CCDC178: variants seen among roughly 807,000 people sequenced by gnomAD.
The protein encoded by CCDC178 is coiled-coil domain containing 178.
CCDC178 carries 126 observed loss-of-function variants against 117.4 expected under a neutral mutation model. That is an observed-to-expected ratio of 1.07 (90% confidence interval 0.93 to 1.24). CCDC178 has a LOEUF of 1.24. Among genes scored for constraint, CCDC178 ranks in the 50% most tolerant of loss-of-function variants. CCDC178 has a pLI of 0.00. For synonymous variants in CCDC178, 283 were observed against 313.4 expected, an observed-to-expected ratio of 0.90 and a Z score of 1.02; for missense variants, 1,030 against 986.9, an observed-to-expected ratio of 1.04 and a Z score of -0.59.
intron 15 of CCDC178, among the ~76,000 whole-genome samples, chr18:33,238,603 A>G (rs2059452449): frequency 6.6e-6 from 1 of 152,164 alleles, no homozygotes; most frequent in Non-Finnish European, 1.5e-5. Context: ...AACAAGGCAG[A>G]GGAAAACAAT....
chr18:33,040,418 C>G (rs920873288), intron 21 of CCDC178, among the ~76,000 whole-genome samples: 1 of 151,484 alleles, frequency 6.6e-6, no homozygotes, highest in Non-Finnish European at 1.5e-5. Context: ...TATTAAAAAC[C>G]AAATCAATGG....
At chr18:33,220,388 A>G (rs535509542) in intron 18 of CCDC178, among the ~76,000 whole-genome samples, 53 of 152,186 alleles carry the variant, frequency 3.5e-4, no homozygotes, top group African/African-American at 1.2e-3. Flanking sequence ...TTAAGTGGTG[A>G]TGACTGGTTA....
At chr18:33,329,582 G>A (rs1401954728) in intron 10 of CCDC178, among the ~76,000 whole-genome samples, 2 of 151,880 alleles carry the variant, frequency 1.3e-5, no homozygotes, top group East Asian at 3.9e-4. Context: ...TTATTCATGT[G>A]GTACATTAAA....
chr18:32,983,641 T>C (rs1392663388), intron 21 of CCDC178, among the ~76,000 whole-genome samples: 1 of 152,104 alleles, frequency 6.6e-6, no homozygotes, highest in African/African-American at 2.4e-5. Flanking sequence ...AGAAGGTAGA[T>C]AGATAATAGC....
chr18:33,044,767 C>T (rs931401387), intron 21 of CCDC178, among the ~76,000 whole-genome samples: 4 of 152,120 alleles, frequency 2.6e-5, no homozygotes, highest in African/African-American at 9.7e-5. Context: ...ATTGAAGTCT[C>T]CATCATCAGA....
At chr18:33,260,385 C>T (rs2059729300) in intron 14 of CCDC178, among the ~76,000 whole-genome samples, 1 of 151,638 alleles carries the variant, frequency 6.6e-6, no homozygotes, top group South Asian at 2.1e-4. Flanking sequence ...CTGTTCAGTT[C>T]TGCAGATTTC....
At chr18:33,220,008 C>G (rs1839249996) in intron 18 of CCDC178, among the ~76,000 whole-genome samples, 1 of 151,994 alleles carries the variant, frequency 6.6e-6, no homozygotes, top group South Asian at 2.1e-4. Context: ...GCAATAAGAA[C>G]TTTCATGGGG....
chr18:33,350,420 C>A (rs1173117161), intron 7 of CCDC178, among the ~76,000 whole-genome samples: 1 of 152,100 alleles, frequency 6.6e-6, no homozygotes, highest in African/African-American at 2.4e-5. Flanking sequence ...ACATATGCTA[C>A]TTATTAAGCA....
chr18:33,254,251 A>G (rs2059651608), intron 14 of CCDC178, among the ~76,000 whole-genome samples: 1 of 135,384 alleles, frequency 7.4e-6, no homozygotes, highest in Non-Finnish European at 1.6e-5. Context: ...TCTATTGAGA[A>G]ACACACACAC....
chr18:33,367,298 T>C (rs2063222799), intron 6 of CCDC178, among the ~76,000 whole-genome samples: 1 of 152,056 alleles, frequency 6.6e-6, no homozygotes, highest in African/African-American at 2.4e-5. Context: ...GATTGCCATT[T>C]TAAATATTTC....
intron 21 of CCDC178, among the ~76,000 whole-genome samples, chr18:32,990,037 T>C (rs1442584966): frequency 6.6e-6 from 1 of 152,258 alleles, no homozygotes; most frequent in East Asian, 1.9e-4. Flanking sequence ...AAGCATCAAA[T>C]TATAAGATAA....
At chr18:33,345,932 A>G (rs1265973678) in intron 9 of CCDC178, among the ~76,000 whole-genome samples, 2 of 152,058 alleles carry the variant, frequency 1.3e-5, no homozygotes, top group African/African-American at 2.4e-5. Flanking sequence ...GGCTCAATCA[A>G]TCCTCCCACC....
At chr18:33,270,380 A>G (rs146206172) in intron 12 of CCDC178, among the ~76,000 whole-genome samples, 117 of 151,626 alleles carry the variant, frequency 7.7e-4, no homozygotes, top group Middle Eastern at 3.4e-3. Flanking sequence ...ATTAATTTAC[A>G]CATTGAGGAA....
At chr18:32,979,946 C>T (rs1016445291) in intron 21 of CCDC178, among the ~76,000 whole-genome samples, 1 of 152,020 alleles carries the variant, frequency 6.6e-6, no homozygotes, top group African/African-American at 2.4e-5. Context: ...GATATCACTA[C>T]AAATCAGTGC....
At chr18:33,392,777 A>G (rs921493486) in intron 4 of CCDC178, among the ~76,000 whole-genome samples, 6 of 152,122 alleles carry the variant, frequency 3.9e-5, no homozygotes, top group African/African-American at 1.2e-4. Context: ...CAGAATGATC[A>G]CTTAAGCCCA....
chr18:33,370,203 A>G lies in CCDC178; in HGVS notation c.209-14T>C. ...CTTTATTCACCCCTAAAGAGAACAA[A>G]TAGAAGTTCATTACTCATTCTATAC... is the stretch of plus-strand genomic sequence containing the variant. On this transcript the variant is annotated splice_polypyrimidine_tract_variant and intron_variant, in intron 5 of 22. Transcript: ENST00000383096. 1 of 1,572,726 alleles carries G rather than the reference A, an allele frequency of 6.4e-7. No homozygotes were observed. The highest frequency in any genetic ancestry group is 8.6e-7 in the Non-Finnish European group (1 of 1,160,994).
At chr18:33,269,272 TA>T (rs1212791326) in intron 12 of CCDC178, among the ~76,000 whole-genome samples, 6 of 151,786 alleles carry the variant, frequency 4.0e-5, no homozygotes, top group African/African-American at 1.4e-4. Context: ...GAACAAACAG[TA>T]GATGAACTAA....
intron 21 of CCDC178, among the ~76,000 whole-genome samples, chr18:33,015,692 G>A (rs1399676507): frequency 6.6e-6 from 1 of 150,574 alleles, no homozygotes; most frequent in African/African-American, 2.4e-5. Flanking sequence ...GCAAAAATTT[G>A]AAATCAGTTA....
intron 14 of CCDC178, among the ~76,000 whole-genome samples, chr18:33,265,145 T>C (rs2059796939): frequency 6.6e-6 from 1 of 152,160 alleles, no homozygotes; most frequent in South Asian, 2.1e-4. Flanking sequence ...AAGAAAGTTT[T>C]ACAAATTGTT....
Sources: gnomAD v4.1 joint callset for allele counts (sites outside exome capture counted in the v4.1 genomes callset) on GRCh38, gnomAD v4.1.1 for gene constraint, MANE v1.5 for transcripts, NCBI Gene and HGNC (gene_info 2026-07-23, HGNC 2026-07-21) for gene names.